The following VTI1A variants were observed in gnomAD, a reference collection of about 807,000 sequenced individuals.
VTI1A encodes vesicle transport through interaction with t-SNAREs 1A.
VTI1A carries 22 observed loss-of-function variants against 34.9 expected under a neutral mutation model. The observed-to-expected ratio is 0.63, with a 90% CI of 0.45 to 0.90. VTI1A has a LOEUF of 0.90. Among genes scored for constraint, VTI1A ranks in the 40% least tolerant of loss-of-function variants. VTI1A has a pLI of 0.00. For missense variants in VTI1A, 268 were observed against 275.6 expected, an observed-to-expected ratio of 0.97 and a Z score of 0.20; for synonymous variants, 87 against 97.3, an observed-to-expected ratio of 0.89 and a Z score of 0.62.
intron 1 of VTI1A, among the ~76,000 whole-genome samples, chr10:112,455,991 G>A (rs913633682): frequency 9.2e-5 from 14 of 152,052 alleles, no homozygotes; most frequent in African/African-American, 3.1e-4. Flanking sequence ...ATGTTGCTGC[G>A]TGCTAAGACT....
the VTI1A span, among the ~76,000 whole-genome samples, chr10:112,844,423 G>A: frequency 2.6e-5 from 4 of 152,162 alleles, no homozygotes; most frequent in East Asian, 1.9e-4. Context: ...AAGCCAAGAC[G>A]GAGTCTTGCT....
intron 7 of VTI1A, among the ~76,000 whole-genome samples, chr10:112,788,937 A>G (rs891505468): frequency 5.9e-5 from 9 of 152,174 alleles, no homozygotes; most frequent in Non-Finnish European, 1.3e-4. Context: ...TTATTCCAAT[A>G]TAACCAATTT....
intron 5 of VTI1A, among the ~76,000 whole-genome samples, chr10:112,600,563 G>A (rs994610425): frequency 1.3e-5 from 2 of 152,122 alleles, no homozygotes; most frequent in Non-Finnish European, 2.9e-5. Flanking sequence ...TGCAGAAAGC[G>A]CTTTCCTGAC....
intron 7 of VTI1A, among the ~76,000 whole-genome samples, chr10:112,743,306 G>A (rs1423208604): frequency 1.3e-5 from 2 of 152,028 alleles, no homozygotes; most frequent in African/African-American, 2.4e-5. Flanking sequence ...GATGAAACTC[G>A]TCAGGCTTAC....
intron 5 of VTI1A, among the ~76,000 whole-genome samples, chr10:112,611,759 T>TTTTTTTTTTTTTTTTTTTTTTTTTGG (rs1845322951): frequency 1.1e-5 from 1 of 91,940 alleles, no homozygotes; most frequent in Non-Finnish European, 2.3e-5. Context: ...TTTTTTTTTT[T>TTTTTTTTTTTTTTTTTTTTTTTTTGG]GTGACGGAGT....
At chr10:112,573,489 A>G (rs1852217004) in intron 5 of VTI1A, among the ~76,000 whole-genome samples, 1 of 152,222 alleles carries the variant, frequency 6.6e-6, no homozygotes, top group Non-Finnish European at 1.5e-5. Flanking sequence ...ATGTTTGGTG[A>G]AAATATACAA....
intron 7 of VTI1A, among the ~76,000 whole-genome samples, chr10:112,728,562 A>T (rs187766899): frequency 6.6e-6 from 1 of 152,366 alleles, no homozygotes; most frequent in African/African-American, 2.4e-5. Context: ...AAAGAGACTG[A>T]TAACCCAGGT....
At chr10:112,853,081 G>A in the VTI1A span, among the ~76,000 whole-genome samples, 1 of 152,176 alleles carries the variant, frequency 6.6e-6, no homozygotes, top group Non-Finnish European at 1.5e-5. Context: ...ACCGCGCCCG[G>A]CCAGGGCTGT....
rs1416919263 is a variant in VTI1A, at chr10:112,493,928, C to T, written c.264+29271C>T. 2.6e-5 allele frequency among the ~76,000 whole-genome samples: 4 copies of T among 152,092 alleles called. 1 individual carries two copies. Among genetic ancestry groups the T allele is most frequent in the Admixed American group, 1.3e-4 (2 of 15,266 alleles). On this transcript the variant is annotated intron_variant, in intron 3 of 7. Transcript: ENST00000393077. ...GGATACTGGTCTGGAGTTTTCCTGT[C>T]GTATCTTTATCTGACATTTGCATCA...
intron 5 of VTI1A, among the ~76,000 whole-genome samples, chr10:112,591,096 G>C (rs1223108487): frequency 6.6e-6 from 1 of 152,024 alleles, no homozygotes; most frequent in Non-Finnish European, 1.5e-5. Context: ...GCGAGACTCT[G>C]TCTCAAAAAA....
intron 5 of VTI1A, among the ~76,000 whole-genome samples, chr10:112,648,429 C>T (rs1290086970): frequency 1.3e-5 from 2 of 152,174 alleles, no homozygotes; most frequent in African/African-American, 4.8e-5. Context: ...TGTCAGATTT[C>T]TGAGAACAGT....
intron 5 of VTI1A, among the ~76,000 whole-genome samples, chr10:112,540,869 G>C (rs1025492370): frequency 6.6e-6 from 1 of 152,188 alleles, no homozygotes; most frequent in Non-Finnish European, 1.5e-5. Flanking sequence ...GAGGAAGAGA[G>C]GTGGAAGAAC....
At chr10:112,787,341 C>A (rs2134048668) in intron 7 of VTI1A, among the ~76,000 whole-genome samples, 1 of 152,162 alleles carries the variant, frequency 6.6e-6, no homozygotes, top group Admixed American at 6.5e-5. Context: ...TCTTTTTGAG[C>A]CAACTTCTGG....
the VTI1A span, chr10:112,832,454 C>T: frequency 1.3e-5 from 2 of 152,326 alleles, no homozygotes; most frequent in African/African-American, 4.8e-5. Context: ...CTCTCACCTG[C>T]ACTTCATCCA....
chr10:112,491,881 C>G (rs1848836243), intron 3 of VTI1A, among the ~76,000 whole-genome samples: 1 of 152,176 alleles, frequency 6.6e-6, no homozygotes. Context: ...ATAAAGGTTC[C>G]TAAGCCTCCG....
chr10:112,485,794 G>T (rs1207294423), intron 3 of VTI1A, among the ~76,000 whole-genome samples: 1 of 152,118 alleles, frequency 6.6e-6, no homozygotes, highest in Admixed American at 6.6e-5. Flanking sequence ...TTATTTCAAA[G>T]TTTTTATTAT....
chr10:112,815,491 C>A lies in VTI1A; in HGVS notation c.*108C>A. 1 of 924,304 alleles carries A rather than the reference C, an allele frequency of 1.1e-6. No homozygotes were observed. Among genetic ancestry groups the A allele is most frequent in the Non-Finnish European group, 1.7e-6 (1 of 575,608 alleles). The allele number at this position is 924,304 out of a possible 1,614,324, so 57.3% of individuals were successfully genotyped here. A position where few individuals can be genotyped will look rare whatever the true frequency, so the allele number is the denominator to read the frequency against. ...GCGCTGACAGGCCCCAGGTGACCCT[C>A]TCTCTCCCTCACCGCCGTTGGGCTG... On this transcript the variant is annotated 3_prime_UTR_variant, in exon 8 of 8. Transcript: ENST00000393077.
At chr10:112,648,049 C>T (rs777239661) in intron 5 of VTI1A, among the ~76,000 whole-genome samples, 221 of 152,298 alleles carry the variant, frequency 1.5e-3, no homozygotes, top group Non-Finnish European at 2.4e-3. Context: ...GGATTACAGG[C>T]GTGAGCCATT....
chr10:112,755,636 T>C (rs538712021), intron 7 of VTI1A, among the ~76,000 whole-genome samples: 2 of 152,374 alleles, frequency 1.3e-5, no homozygotes, highest in East Asian at 3.9e-4. Flanking sequence ...CTCCAGGCCC[T>C]GTAGCCTTAT....
Sources: allele counts gnomAD v4.1 joint callset (sites outside exome capture counted in the v4.1 genomes callset), GRCh38; gene constraint gnomAD v4.1.1; transcripts MANE v1.5; gene names NCBI Gene and HGNC (gene_info 2026-07-23, HGNC 2026-07-21).